Variants in PHEX observed in about 807,000 individuals in gnomAD.
PHEX encodes the protein phosphate regulating endopeptidase X-linked.
A neutral mutation model predicts 68.0 loss-of-function variants in PHEX; 16 were observed. The observed-to-expected ratio is 0.24, with a 90% confidence interval of 0.16 to 0.36. PHEX has a LOEUF of 0.36. PHEX is among the 10% of genes least tolerant of loss of function. The pLI, the probability that PHEX is intolerant of heterozygous loss-of-function variation, is 1.00. For synonymous variants in PHEX, 208 were observed against 205.1 expected (o/e 1.01, Z -0.12); for missense variants, 480 against 575.5 (o/e 0.83, Z 1.70).
intron 15 of PHEX, among the ~76,000 whole-genome samples, chrX:22,195,985 T>C (rs182673973): frequency 2.7e-5 from 3 of 111,352 alleles, no homozygotes; most frequent in African/African-American, 9.8e-5. Flanking sequence ...GAGACTAGCC[T>C]GGGCCATATA....
At chrX:22,154,656 C>A (rs1932911999) in intron 12 of PHEX, among the ~76,000 whole-genome samples, 1 of 111,304 alleles carries the variant, frequency 9.0e-6, no homozygotes, top group Non-Finnish European at 1.9e-5. Context: ...AGAAACCCTG[C>A]CTTATGGTAA....
chrX:22,238,168 T>C (rs775799564), intron 20 of PHEX, among the ~76,000 whole-genome samples: 2 of 112,516 alleles, frequency 1.8e-5, no homozygotes, highest in Non-Finnish European at 3.8e-5. Context: ...GGAACAGCTC[T>C]GGTCTGCAGC....
At chrX:22,148,773 T>C (rs1358599165) in intron 12 of PHEX, among the ~76,000 whole-genome samples, 1 of 112,158 alleles carries the variant, frequency 8.9e-6, no homozygotes, top group African/African-American at 3.2e-5. Flanking sequence ...GCATTTTTTT[T>C]CTATTTTTCT....
chrX:22,209,699 T>TCTG (rs1934831767), intron 15 of PHEX, among the ~76,000 whole-genome samples: 1 of 95,039 alleles, frequency 1.1e-5, no homozygotes, highest in Non-Finnish European at 2.1e-5. Flanking sequence ...CTCTCCTCCC[T>TCTG]CTCCCTCTCT....
chrX:22,235,725 C>T (rs760314035), intron 20 of PHEX, among the ~76,000 whole-genome samples: 3 of 110,989 alleles, frequency 2.7e-5, no homozygotes, highest in Non-Finnish European at 5.7e-5. Flanking sequence ...TCCCCATTAC[C>T]CTATCTTATC....
At chrX:22,231,512 G>A (rs1236025041) in intron 20 of PHEX, among the ~76,000 whole-genome samples, 1 of 111,827 alleles carries the variant, frequency 8.9e-6, no homozygotes, top group Non-Finnish European at 1.9e-5. Context: ...GGGTGTATGC[G>A]TCCAGGAATT....
intron 11 of PHEX, among the ~76,000 whole-genome samples, chrX:22,122,609 A>G (rs1452178722): frequency 1.8e-5 from 2 of 111,918 alleles, no homozygotes; most frequent in African/African-American, 6.5e-5. Context: ...CTGTGTAACA[A>G]TCAATCACAA....
rs1936457418 is a variant in PHEX at position 22,248,494 on chromosome X, A to C, written c.*541A>C. The C allele has an allele frequency of 8.5e-6, 1 of 118,201 alleles. No homozygotes were observed. The highest frequency in any genetic ancestry group is 3.2e-5 in the African/African-American group (1 of 30,935). 9.7% of individuals were successfully genotyped at this position (118,201 alleles called of 1,213,427 possible). A position where few individuals can be genotyped will look rare whatever the true frequency, so the allele number is the denominator to read the frequency against. On this transcript the variant is annotated 3_prime_UTR_variant, in exon 22 of 22. Transcript: ENST00000379374. Reference sequence around the variant, plus strand: ...TAAATTAGAAATATGTTTGATCTCCATTTTACACTTTTTGATGAAGTTCTT... The same window carrying C: ...TAAATTAGAAATATGTTTGATCTCCCTTTTACACTTTTTGATGAAGTTCTT...
At chrX:22,119,407 A>G (rs184223392) in intron 11 of PHEX, among the ~76,000 whole-genome samples, 1 of 111,204 alleles carries the variant, frequency 9.0e-6, no homozygotes, top group African/African-American at 3.3e-5. Flanking sequence ...TAGAGAATTG[A>G]TGATATATCA....
At chrX:22,222,586 G>A (rs188136270) in intron 18 of PHEX, among the ~76,000 whole-genome samples, 2 of 111,515 alleles carry the variant, frequency 1.8e-5, no homozygotes, top group Admixed American at 9.5e-5. Context: ...TAATATTCCT[G>A]ATCCTTCGTG....
intron 5 of PHEX, among the ~76,000 whole-genome samples, chrX:22,084,410 A>G (rs1039089444): frequency 3.6e-5 from 4 of 110,795 alleles, no homozygotes; most frequent in Non-Finnish European, 7.6e-5. Flanking sequence ...TTTGTTGATA[A>G]TTTTTGCATC....
chrX:22,100,282 G>C (rs1025790402), intron 9 of PHEX, among the ~76,000 whole-genome samples: 2 of 111,707 alleles, frequency 1.8e-5, no homozygotes, highest in Non-Finnish European at 3.8e-5. Context: ...ATCCAGTAGA[G>C]CTGGAGGGGA....
intron 12 of PHEX, 29 bp from the exon 13 acceptor site, chrX:22,168,283 G>A (rs958144709): frequency 2.8e-6 from 3 of 1,060,276 alleles, no homozygotes; most frequent in Non-Finnish European, 4.0e-6. Flanking sequence ...CTGAAACTCT[G>A]ACATTATTTT....
intron 11 of PHEX, among the ~76,000 whole-genome samples, chrX:22,127,612 C>G (rs1931790029): frequency 9.0e-6 from 1 of 110,721 alleles, no homozygotes; most frequent in South Asian, 3.8e-4. Flanking sequence ...AAATTAATCA[C>G]CTTCAAAGAT....
intron 13 of PHEX, among the ~76,000 whole-genome samples, chrX:22,177,422 G>A (rs1302002554): frequency 9.0e-6 from 1 of 111,388 alleles, no homozygotes; most frequent in African/African-American, 3.3e-5. Flanking sequence ...CACTACAAAC[G>A]ATTGCATGAA....
intron 11 of PHEX, among the ~76,000 whole-genome samples, chrX:22,115,317 C>T (rs956241967): frequency 8.9e-6 from 1 of 112,041 alleles, no homozygotes; most frequent in Non-Finnish European, 1.9e-5. Context: ...GGCGACAGAG[C>T]GAGACTCTGT....
At chrX:22,159,105 C>G (rs907628853) in intron 12 of PHEX, among the ~76,000 whole-genome samples, 1 of 113,198 alleles carries the variant, frequency 8.8e-6, no homozygotes, top group African/African-American at 3.2e-5. Flanking sequence ...ATAGCTAAGC[C>G]GTGCGTGCAC....
chrX:22,051,150 A>T (rs57968134), intron 3 of PHEX, among the ~76,000 whole-genome samples: 23,397 of 111,508 alleles, frequency 0.21, 1,953 homozygotes, highest in Admixed American at 0.3. Context: ...ACAAACTGAC[A>T]TTAGGGTTCT....
chrX:22,092,194 T>C (rs1159425142), intron 6 of PHEX, among the ~76,000 whole-genome samples: 1 of 111,287 alleles, frequency 9.0e-6, no homozygotes, highest in Non-Finnish European at 1.9e-5. Context: ...AGCAGCTTTA[T>C]TAAGGAAGTT....
Sources: gnomAD v4.1 joint callset for allele counts (sites outside exome capture counted in the v4.1 genomes callset) on GRCh38, gnomAD v4.1.1 for gene constraint, MANE v1.5 for transcripts, NCBI Gene and HGNC (gene_info 2026-07-23, HGNC 2026-07-21) for gene names.